LNX1: variants seen among roughly 807,000 people sequenced by gnomAD.
LNX1 encodes E3 ubiquitin-protein ligase LNX.
In LNX1, 54 loss-of-function variants were observed where a neutral mutation model predicts 68.4. That is an observed-to-expected ratio of 0.79 (90% CI 0.63 to 0.99). The LOEUF (loss-of-function observed/expected upper bound fraction) is 0.99, where lower values mean the gene tolerates loss of function less well. Among genes scored for constraint, LNX1 ranks in the 50% least tolerant of loss-of-function variants. The probability of loss-of-function intolerance (pLI) is 0.00; values close to 1 mark genes in which losing one functional copy is unlikely to be tolerated. For missense variants in LNX1, 906 were observed against 926.4 expected, an observed-to-expected ratio of 0.98 and a Z score of 0.29; for synonymous variants, 336 against 350.0, an observed-to-expected ratio of 0.96 and a Z score of 0.45.
At chr4:53,496,571 C>A (rs1247443775) in intron 5 of LNX1, 177 bp from the exon 6 acceptor site, 5 of 724,616 alleles carry the variant, frequency 6.9e-6, no homozygotes, top group Non-Finnish European at 1.1e-5. Context: ...TCTCTCCAAG[C>A]GTGGCCTGCA....
intron 2 of LNX1, among the ~76,000 whole-genome samples, chr4:53,525,705 C>G (rs1727561602): frequency 6.6e-6 from 1 of 152,194 alleles, no homozygotes; most frequent in South Asian, 2.1e-4. Flanking sequence ...TGCTTACAGG[C>G]AGCCTCAGTT....
At chr4:53,468,021 C>A (rs1230946063) in intron 9 of LNX1, among the ~76,000 whole-genome samples, 2 of 152,132 alleles carry the variant, frequency 1.3e-5, no homozygotes, top group Non-Finnish European at 2.9e-5. Flanking sequence ...AGAAGAGCAA[C>A]TCCAAGACAC....
intron 2 of LNX1, chr4:53,603,861 A>G (rs1733120701): frequency 6.6e-6 from 1 of 152,224 alleles, no homozygotes; most frequent in Admixed American, 6.5e-5. Flanking sequence ...GGGCTGTACC[A>G]GCAATTGACT....
At position 53,498,715 on chromosome 4, in the gene LNX1, T is replaced by C. The variant is rs1278934906; in HGVS notation, c.904A>G (p.Ile302Val). 2.5e-6 allele frequency: 4 copies of C among 1,614,062 alleles called. No individual in the cohort carries two copies. The highest frequency in any genetic ancestry group is 3.4e-6 in the Non-Finnish European group (4 of 1,179,948). The change falls in exon 5 of 11, where the codon ATT becomes GTT. Residue 302 changes from isoleucine to valine, a missense_variant. Transcript: ENST00000263925. Reference protein sequence around the residue: ...GGSETPLVHIIIQHIYRDGVI... With the variant: ...GGSETPLVHIVIQHIYRDGVI... ...CCATCACGATAAATGTGTTGGATAA[T>C]GATATGGACCAGTGGGGTTTCGCTA...
chr4:53,469,728 C>G (rs1461157519), intron 9 of LNX1, among the ~76,000 whole-genome samples: 1 of 152,178 alleles, frequency 6.6e-6, no homozygotes, highest in Non-Finnish European at 1.5e-5. Flanking sequence ...TGCAAATAAA[C>G]TAGAAAATCT....
intron 1 of LNX1, among the ~76,000 whole-genome samples, chr4:53,649,230 C>T (rs1472499625): frequency 6.6e-6 from 1 of 152,130 alleles, no homozygotes; most frequent in African/African-American, 2.4e-5. Flanking sequence ...GCCCTAACCC[C>T]TTTTTGATCC....
intron 2 of LNX1, among the ~76,000 whole-genome samples, chr4:53,566,805 T>G (rs1475497260): frequency 1.3e-5 from 2 of 149,114 alleles, no homozygotes; most frequent in South Asian, 4.3e-4. Context: ...TGGAGGAAGA[T>G]CTACCAAGCA....
intron 2 of LNX1, among the ~76,000 whole-genome samples, chr4:53,567,337 A>C (rs1467209788): frequency 1.3e-5 from 2 of 148,388 alleles, no homozygotes; most frequent in African/African-American, 4.9e-5. Context: ...CAGGATTAAG[A>C]ATCTCACTCA....
chr4:53,490,863 A>T (rs1724632534), intron 6 of LNX1, among the ~76,000 whole-genome samples: 1 of 152,210 alleles, frequency 6.6e-6, no homozygotes, highest in African/African-American at 2.4e-5. Context: ...TTGCTTAGCT[A>T]GGTTTTTCCA....
rs577048894 is a variant in LNX1, at chr4:53,572,257, C to T, written c.380+1366G>A. Among the ~76,000 whole-genome samples, 26 of 152,274 alleles carry T rather than the reference C, an allele frequency of 1.7e-4. No homozygotes were observed. In the East Asian group the frequency reaches 4.8e-3, roughly 28 times the overall value. ...CAGCAAAAGTCACAAATAGACTACC[C>T]TACCCACTCCTCCTTTAACCACATC... On this transcript the variant is annotated intron_variant, in intron 2 of 10. Coordinates refer to ENST00000263925, the MANE Select transcript of LNX1 (RefSeq NM_001126328.3).
chr4:53,647,710 C>T (rs1211547930), intron 1 of LNX1, among the ~76,000 whole-genome samples: 2 of 152,206 alleles, frequency 1.3e-5, no homozygotes, highest in Admixed American at 1.3e-4. Context: ...CACCACCATC[C>T]ATCTCTAGAT....
intron 1 of LNX1, among the ~76,000 whole-genome samples, chr4:53,577,849 T>C (rs1731596237): frequency 6.6e-6 from 1 of 152,234 alleles, no homozygotes; most frequent in African/African-American, 2.4e-5. Context: ...TCTATGATTC[T>C]GTGCTAATCA....
chr4:53,560,897 T>G (rs1730238806), intron 2 of LNX1, among the ~76,000 whole-genome samples: 1 of 152,240 alleles, frequency 6.6e-6, no homozygotes, highest in Non-Finnish European at 1.5e-5. Flanking sequence ...CCCTTGGGGC[T>G]AAAACCCAAC....
intron 1 of LNX1, among the ~76,000 whole-genome samples, chr4:53,638,911 G>C (rs1027709489): frequency 6.6e-6 from 1 of 152,218 alleles, no homozygotes. Context: ...TTCAGCCACT[G>C]TGGAAAGCAG....
chr4:53,476,646 A>G, intron 9 of LNX1, 107 bp downstream of exon 9: 1 of 922,014 alleles, frequency 1.1e-6, no homozygotes, highest in Non-Finnish European at 1.8e-6. Flanking sequence ...GACTGGGTCT[A>G]ATTAAGATGC....
intron 1 of LNX1, among the ~76,000 whole-genome samples, chr4:53,639,519 G>A (rs1265547178): frequency 6.6e-6 from 1 of 152,098 alleles, no homozygotes; most frequent in Non-Finnish European, 1.5e-5. Flanking sequence ...AAGGCATCTT[G>A]AAACAGAAAC....
At position 53,460,987 on chromosome 4, in the gene LNX1, C is replaced by T. The variant is rs765347447; in HGVS notation, c.2107G>A (p.Ala703Thr). Residue 703 changes from alanine (A) to threonine (T), a missense_variant, in exon 11 of 11, where the codon GCT becomes ACT. Coordinates refer to ENST00000263925, the MANE Select transcript of LNX1 (RefSeq NM_001126328.3). ...NGRSTSGMIH[A>T]CLARLLKELK... ...TCTTTCAGCAGTCTTGCCAAGCAAG[C>T]ATGTATCATTCCTGATGTACTTCTA... 9 of 1,608,114 alleles carry T rather than the reference C, an allele frequency of 5.6e-6. No homozygotes were observed. The highest frequency in any genetic ancestry group is 7.6e-6 in the Non-Finnish European group (9 of 1,177,260).
intron 2 of LNX1, among the ~76,000 whole-genome samples, chr4:53,517,595 G>A (rs548472003): frequency 2.0e-5 from 3 of 152,298 alleles, no homozygotes; most frequent in East Asian, 1.9e-4. Context: ...GGATAATTAC[G>A]TTCTACGTGT....
chr4:53,621,002 G>A (rs1733849582), upstream of LNX1, among the ~76,000 whole-genome samples: 2 of 152,256 alleles, frequency 1.3e-5, no homozygotes, highest in South Asian at 4.2e-4. Flanking sequence ...CAATATGATA[G>A]CATGGCTTTC....
Sources: allele counts gnomAD v4.1 joint callset (sites outside exome capture counted in the v4.1 genomes callset), GRCh38; gene constraint gnomAD v4.1.1; transcripts MANE v1.5; gene names NCBI Gene and HGNC (gene_info 2026-07-23, HGNC 2026-07-21).